TBC1D22B: variants seen among roughly 807,000 people sequenced by gnomAD.
The protein encoded by TBC1D22B is TBC1 domain family member 22B, also known as chromosome 6 open reading frame 197.
Under a neutral mutation model 69.1 loss-of-function variants are expected in TBC1D22B, and 32 were observed. The ratio of observed to expected loss-of-function variants is 0.46; its 90% CI spans 0.35 to 0.62. The LOEUF (loss-of-function observed/expected upper bound fraction) is 0.62. Ranked by LOEUF, TBC1D22B falls within the 20% of genes least tolerant of loss-of-function variation. TBC1D22B has a pLI of 0.00. For synonymous variants in TBC1D22B, 206 were observed against 229.8 expected (o/e 0.90, Z 0.94); for missense variants, 462 against 630.9 (o/e 0.73, Z 2.87).
At position 37,280,701 on chromosome 6, in the gene TBC1D22B, A is replaced by G. The variant is rs1161402424; in HGVS notation, c.421+1090A>G. Among the ~76,000 whole-genome samples the G allele has an allele frequency of 2.6e-5, 4 of 152,332 alleles. No individual in the cohort carries two copies. The East Asian group carries it at 7.7e-4, about 29-fold the overall frequency. On this transcript the variant is annotated intron_variant, in intron 3 of 12. Transcript: ENST00000373491. ...CGCCCAGCCCAGAGCATTCTCCCTGAGGAGGTTTTCTCCTGCCGGCATCTG... is the reference window on the plus strand; with the variant it reads ...CGCCCAGCCCAGAGCATTCTCCCTGGGGAGGTTTTCTCCTGCCGGCATCTG...
At chr6:37,265,725 A>G (rs1766251687) in intron 1 of TBC1D22B, among the ~76,000 whole-genome samples, 1 of 152,196 alleles carries the variant, frequency 6.6e-6, no homozygotes, top group African/African-American at 2.4e-5. Flanking sequence ...CACATTACTT[A>G]TTAATCTTCC....
At chr6:37,294,886 A>G (rs1767308648) in intron 8 of TBC1D22B, among the ~76,000 whole-genome samples, 1 of 152,246 alleles carries the variant, frequency 6.6e-6, no homozygotes. Flanking sequence ...CTGTGGATCA[A>G]GAAGTCATTT....
intron 8 of TBC1D22B, among the ~76,000 whole-genome samples, chr6:37,312,591 T>C (rs905156061): frequency 1.2e-4 from 19 of 152,210 alleles, no homozygotes; most frequent in African/African-American, 4.6e-4. Flanking sequence ...CTGAGTATAA[T>C]TCATTGAACA....
chr6:37,317,315 G>A (rs1768111750), intron 12 of TBC1D22B, 109 bp downstream of exon 12: 4 of 1,117,906 alleles, frequency 3.6e-6, no homozygotes, highest in African/African-American at 1.5e-5. Flanking sequence ...CTGGCTGGGA[G>A]TAGGAAGGGA....
chr6:37,299,732 G>A (rs933852782), intron 8 of TBC1D22B, among the ~76,000 whole-genome samples: 7 of 152,176 alleles, frequency 4.6e-5, no homozygotes, highest in South Asian at 2.1e-4. Context: ...AATACTGGCC[G>A]GGCATGGTGG....
At chr6:37,310,126 C>A (rs1425610001) in intron 8 of TBC1D22B, among the ~76,000 whole-genome samples, 1 of 142,470 alleles carries the variant, frequency 7.0e-6, no homozygotes, top group Non-Finnish European at 1.5e-5. Flanking sequence ...TTTAATATAG[C>A]TTTATATATG....
At chr6:37,327,140 G>C (rs539908459) in intron 12 of TBC1D22B, among the ~76,000 whole-genome samples, 1 of 152,004 alleles carries the variant, frequency 6.6e-6, no homozygotes, top group South Asian at 2.1e-4. Flanking sequence ...GGTGGCATGG[G>C]GGTGGGGGCA....
intron 1 of TBC1D22B, among the ~76,000 whole-genome samples, chr6:37,264,972 A>G (rs1373181920): frequency 6.6e-6 from 1 of 152,218 alleles, no homozygotes; most frequent in Non-Finnish European, 1.5e-5. Context: ...CACCTTAATC[A>G]TTGGGCTCTT....
chr6:37,323,119 A>G (rs1401786834), intron 12 of TBC1D22B, among the ~76,000 whole-genome samples: 1 of 152,210 alleles, frequency 6.6e-6, no homozygotes, highest in Non-Finnish European at 1.5e-5. Flanking sequence ...AGCCCAGAAC[A>G]TGGGAGCCCA....
intron 12 of TBC1D22B, among the ~76,000 whole-genome samples, chr6:37,329,315 T>G (rs1171023613): frequency 6.6e-6 from 1 of 152,272 alleles, no homozygotes; most frequent in Non-Finnish European, 1.5e-5. Context: ...TACTGATACA[T>G]GTAGACCGGC....
At chr6:37,321,893 TG>T (rs1365646795) in intron 12 of TBC1D22B, among the ~76,000 whole-genome samples, 1 of 152,152 alleles carries the variant, frequency 6.6e-6, no homozygotes, top group African/African-American at 2.4e-5. Flanking sequence ...GGTGGTTAAT[TG>T]GGTGTGTACT....
chr6:37,297,684 G>A (rs961393171), intron 8 of TBC1D22B, among the ~76,000 whole-genome samples: 2 of 152,118 alleles, frequency 1.3e-5, no homozygotes, highest in Admixed American at 6.5e-5. Context: ...AAAAAAAATT[G>A]TAGTAGAAGT....
intron 12 of TBC1D22B, among the ~76,000 whole-genome samples, chr6:37,322,645 A>G (rs896342085): frequency 6.6e-6 from 1 of 152,166 alleles, no homozygotes; most frequent in Non-Finnish European, 1.5e-5. Context: ...TATTCCCAAC[A>G]CCCATTGGCA....
chr6:37,314,926 G>A (rs919798716), intron 10 of TBC1D22B, among the ~76,000 whole-genome samples: 8 of 151,922 alleles, frequency 5.3e-5, no homozygotes, highest in South Asian at 4.1e-4. Flanking sequence ...GTTACTTCCC[G>A]TATGTCACAT....
intron 8 of TBC1D22B, among the ~76,000 whole-genome samples, chr6:37,298,797 G>A (rs189687538): frequency 2.1e-4 from 32 of 151,962 alleles, no homozygotes; most frequent in Non-Finnish European, 3.7e-4. Context: ...CGCCCACCTC[G>A]GCCTCCCAGA....
intron 12 of TBC1D22B, among the ~76,000 whole-genome samples, chr6:37,325,522 C>A (rs1300281492): frequency 6.6e-6 from 1 of 150,886 alleles, no homozygotes; most frequent in Admixed American, 6.7e-5. Context: ...CATCCCCCAG[C>A]CATAATTATC....
chr6:37,272,319 C>G (rs1766512739), intron 2 of TBC1D22B, among the ~76,000 whole-genome samples: 1 of 151,628 alleles, frequency 6.6e-6, no homozygotes, highest in Non-Finnish European at 1.5e-5. Context: ...CCTGCCTCGG[C>G]CTCCCAAAGT....
At chr6:37,326,636 CAATT>C (rs1380223151) in intron 12 of TBC1D22B, among the ~76,000 whole-genome samples, 3 of 151,590 alleles carry the variant, frequency 2.0e-5, no homozygotes, top group Non-Finnish European at 4.4e-5. Flanking sequence ...AAATAAAAAA[CAATT>C]AACCAGGCAT....
At chr6:37,278,341 G>C (rs1023554992) in intron 2 of TBC1D22B, among the ~76,000 whole-genome samples, 1 of 152,092 alleles carries the variant, frequency 6.6e-6, no homozygotes, top group African/African-American at 2.4e-5. Flanking sequence ...ATAAAAAATG[G>C]AACAACTTTT....
Sources: allele counts gnomAD v4.1 joint callset (sites outside exome capture counted in the v4.1 genomes callset), GRCh38; gene constraint gnomAD v4.1.1; transcripts MANE v1.5; gene names NCBI Gene and HGNC (gene_info 2026-07-23, HGNC 2026-07-21).